The following MEGF11 variants were observed in gnomAD, a reference collection of about 807,000 sequenced individuals.
MEGF11 encodes the protein multiple EGF like domains 11, also known as multiple epidermal growth factor-like domains protein 11.
A neutral mutation model predicts 146.6 loss-of-function variants in MEGF11; 126 were observed. That is an observed-to-expected ratio of 0.86 (90% CI 0.74 to 1.00). The LOEUF (loss-of-function observed/expected upper bound fraction) is 1.00. MEGF11 is among the 50% of genes least tolerant of loss of function. The pLI is 0.00. For missense variants in MEGF11, 1,509 were observed against 1,521.2 expected, an observed-to-expected ratio of 0.99 and a Z score of 0.13; for synonymous variants, 532 against 583.4, an observed-to-expected ratio of 0.91 and a Z score of 1.27.
intron 5 of MEGF11, among the ~76,000 whole-genome samples, chr15:66,065,173 C>T (rs1292644833): frequency 6.6e-6 from 1 of 152,056 alleles, no homozygotes; most frequent in Non-Finnish European, 1.5e-5. Flanking sequence ...TCCCTAACAT[C>T]CCACCAGAGC....
intron 5 of MEGF11, among the ~76,000 whole-genome samples, chr15:65,995,155 C>G (rs756308627): frequency 1.3e-5 from 2 of 152,098 alleles, no homozygotes; most frequent in Non-Finnish European, 2.9e-5. Context: ...AGTGGAGGGG[C>G]CGGTAAGAGC....
chr15:66,075,327 T>C (rs1245601721), intron 5 of MEGF11, among the ~76,000 whole-genome samples: 1 of 152,250 alleles, frequency 6.6e-6, no homozygotes, highest in Non-Finnish European at 1.5e-5. Flanking sequence ...GGAGACTTAA[T>C]GACATGGTTT....
intron 1 of MEGF11, among the ~76,000 whole-genome samples, chr15:66,238,435 G>C (rs1346091781): frequency 6.6e-6 from 1 of 152,180 alleles, no homozygotes; most frequent in Non-Finnish European, 1.5e-5. Context: ...AGACAGGGAA[G>C]GTTGGAGGAG....
intron 4 of MEGF11, among the ~76,000 whole-genome samples, chr15:66,098,446 A>C (rs1359189458): frequency 6.6e-6 from 1 of 152,222 alleles, no homozygotes; most frequent in African/African-American, 2.4e-5. Flanking sequence ...TGGTCTTACT[A>C]GTTAATGGAA....
intron 1 of MEGF11, among the ~76,000 whole-genome samples, chr15:66,221,288 C>G (rs1202671913): frequency 6.6e-6 from 1 of 152,058 alleles, no homozygotes; most frequent in Non-Finnish European, 1.5e-5. Context: ...CGCAGCCGCT[C>G]CAGCACGCCT....
intron 1 of MEGF11, among the ~76,000 whole-genome samples, chr15:66,223,621 G>A (rs1311886878): frequency 1.3e-5 from 2 of 152,208 alleles, no homozygotes; most frequent in African/African-American, 4.8e-5. Flanking sequence ...TACTCGGGAG[G>A]CTGAGGCAGG....
chr15:66,098,489 T>A (rs978332305), intron 4 of MEGF11, among the ~76,000 whole-genome samples: 5 of 152,170 alleles, frequency 3.3e-5, no homozygotes, highest in Admixed American at 2.6e-4. Flanking sequence ...AGGGTCAGGA[T>A]AAATAAAGAC....
At chr15:65,991,972 C>T (rs1475915220) in intron 5 of MEGF11, among the ~76,000 whole-genome samples, 1 of 152,216 alleles carries the variant, frequency 6.6e-6, no homozygotes, top group Non-Finnish European at 1.5e-5. Context: ...GGGAAACTGT[C>T]AGAACACGGG....
At chr15:66,201,260 C>T (rs193020201) in intron 1 of MEGF11, among the ~76,000 whole-genome samples, 97 of 152,240 alleles carry the variant, frequency 6.4e-4, no homozygotes, top group Middle Eastern at 6.8e-3. Flanking sequence ...CTCCAGGCCT[C>T]AGCCTCAGGA....
At chr15:66,040,404 A>G (rs1240906908) in intron 5 of MEGF11, 3 of 153,554 alleles carry the variant, frequency 2.0e-5, no homozygotes, top group Non-Finnish European at 4.4e-5. Context: ...CACTAAAACA[A>G]TTCCAGATGT....
chr15:66,017,836 A>G (rs911445037), intron 5 of MEGF11, among the ~76,000 whole-genome samples: 1 of 152,228 alleles, frequency 6.6e-6, no homozygotes, highest in Non-Finnish European at 1.5e-5. Flanking sequence ...CTGATTTGTC[A>G]GGCAGCCTGT....
chr15:65,968,742 ATG>A (rs1171616888), intron 8 of MEGF11, among the ~76,000 whole-genome samples: 4 of 152,294 alleles, frequency 2.6e-5, no homozygotes, highest in African/African-American at 9.6e-5. Flanking sequence ...TATCAATCTA[ATG>A]TGTCCAATAT....
chr15:65,975,986 G>A (rs1440659782), intron 7 of MEGF11, among the ~76,000 whole-genome samples: 1 of 151,536 alleles, frequency 6.6e-6, no homozygotes, highest in Non-Finnish European at 1.5e-5. Context: ...AGAGGGCTAT[G>A]GCCTGTGGTT....
At position 66,067,324 on chromosome 15, in the gene MEGF11, G is replaced by A. The variant is rs144518448; in HGVS notation, c.394+27078C>T. Among the ~76,000 whole-genome samples, 70 of 152,286 alleles carry A rather than the reference G, an allele frequency of 4.6e-4. 1 individual carries two copies. Among genetic ancestry groups the A allele is most frequent in the African/African-American group, 1.7e-3 (69 of 41,556 alleles). On this transcript the variant is annotated intron_variant, in intron 5 of 25. Coordinates refer to ENST00000395614, the MANE Select transcript of MEGF11 (RefSeq NM_001385028.1). ...TGGTCACCAACAGTAATGATGCCTA[G>A]TACCTCAGTAAAATGCATTCCTATC...
At chr15:66,071,579 G>A (rs2140474130) in intron 5 of MEGF11, among the ~76,000 whole-genome samples, 1 of 152,286 alleles carries the variant, frequency 6.6e-6, no homozygotes, top group East Asian at 1.9e-4. Flanking sequence ...CCCCAGAAAG[G>A]CCCTGCAGCT....
intron 15 of MEGF11, among the ~76,000 whole-genome samples, chr15:65,918,639 G>T (rs2079079102): frequency 1.3e-5 from 2 of 152,204 alleles, no homozygotes; most frequent in Admixed American, 1.3e-4. Context: ...TGTTGCTCAA[G>T]CCTCTCAGCT....
intron 1 of MEGF11, among the ~76,000 whole-genome samples, chr15:66,176,071 A>G (rs1393141089): frequency 6.6e-6 from 1 of 152,242 alleles, no homozygotes; most frequent in Non-Finnish European, 1.5e-5. Flanking sequence ...AAAATGTTCA[A>G]CATCACTAAT....
At chr15:66,033,078 CAAAAAAAA>C (rs60932678) in intron 5 of MEGF11, among the ~76,000 whole-genome samples, 15 of 80,608 alleles carry the variant, frequency 1.9e-4, no homozygotes, top group African/African-American at 6.4e-4. Flanking sequence ...GAGACTCCAT[CAAAAAAAA>C]AAAAAAAAAA....
At chr15:65,975,794 CTTAA>C (rs541708109) in intron 7 of MEGF11, among the ~76,000 whole-genome samples, 5 of 152,192 alleles carry the variant, frequency 3.3e-5, no homozygotes, top group African/African-American at 9.7e-5. Flanking sequence ...ACAGGGGGCA[CTTAA>C]TTAATAGTAA....
Sources: allele counts gnomAD v4.1 joint callset (sites outside exome capture counted in the v4.1 genomes callset), GRCh38; gene constraint gnomAD v4.1.1; transcripts MANE v1.5; gene names NCBI Gene and HGNC (gene_info 2026-07-23, HGNC 2026-07-21).